Variants in TUBGCP4 observed in about 807,000 individuals in gnomAD.
TUBGCP4 encodes tubulin gamma complex component 4.
Under a neutral mutation model 91.6 loss-of-function variants are expected in TUBGCP4, and 54 were observed. The ratio of observed to expected loss-of-function variants is 0.59; its 90% CI spans 0.47 to 0.74. The LOEUF (loss-of-function observed/expected upper bound fraction) is 0.74. TUBGCP4 is among the 30% of genes least tolerant of loss of function. The probability of loss-of-function intolerance (pLI) is 0.00; values close to 1 mark genes in which losing one functional copy is unlikely to be tolerated. For synonymous variants in TUBGCP4, 297 were observed against 302.8 expected (o/e 0.98, Z 0.20); for missense variants, 593 against 800.9 (o/e 0.74, Z 3.13).
intron 7 of TUBGCP4, among the ~76,000 whole-genome samples, chr15:43,384,951 A>G (rs902375292): frequency 2.0e-5 from 3 of 152,238 alleles, no homozygotes; most frequent in Non-Finnish European, 4.4e-5. Context: ...AGAGATGTTT[A>G]GAGGGTGGAA....
chr15:43,393,781 A>G (rs1020826343), intron 9 of TUBGCP4, among the ~76,000 whole-genome samples: 9 of 152,114 alleles, frequency 5.9e-5, no homozygotes. Flanking sequence ...TGAACTCACC[A>G]TTTTTTATGG....
At position 43,376,246 on chromosome 15, in the gene TUBGCP4, G is replaced by C. The variant is rs2142766126; in HGVS notation, c.207+20G>C. 1 of 1,612,382 alleles carries C rather than the reference G, an allele frequency of 6.2e-7. No homozygotes were observed. Among genetic ancestry groups the C allele is most frequent in the East Asian group, 2.2e-5 (1 of 44,852 alleles). On this transcript the variant is annotated intron_variant, in intron 2 of 17. Coordinates refer to ENST00000564079, the MANE Select transcript of TUBGCP4 (RefSeq NM_014444.5). ...CAGCAGGTGGGTCCTGTTCTCTGTG[G>C]GTGTACACCTCTAGAGGGCAGGAGC...
chr15:43,402,941 T>C (rs906843886), intron 15 of TUBGCP4: 2 of 152,206 alleles, frequency 1.3e-5, no homozygotes, highest in Admixed American at 6.5e-5. Flanking sequence ...GTAAGATATA[T>C]ATTAATAGAT....
At chr15:43,379,653 A>C (rs1272246923) in intron 5 of TUBGCP4, among the ~76,000 whole-genome samples, 1 of 152,038 alleles carries the variant, frequency 6.6e-6, no homozygotes, top group African/African-American at 2.4e-5. Context: ...AAAAAAAAAA[A>C]AAAAAAAAAG....
rs1251115579 is a variant in TUBGCP4, at chr15:43,395,700, TGGCCCTGA to T, written c.1171+14_1171+21del. On this transcript the variant is annotated intron_variant, in intron 11 of 17. Transcript: ENST00000564079. ...AGTAACTGAGCATGGTAATTGTCAGTGGCCCTGAGAATGATCAACTGATTGACATTGCA... is the reference window on the plus strand; with the variant it reads ...AGTAACTGAGCATGGTAATTGTCAGTGAATGATCAACTGATTGACATTGCA... 3 of 1,602,976 alleles carry T rather than the reference TGGCCCTGA, an allele frequency of 1.9e-6. No homozygotes were observed. In the East Asian group the frequency reaches 6.7e-5, roughly 36 times the overall value.
At position 43,408,762 on chromosome 15, in the gene TUBGCP4, A is replaced by G. The variant is rs1889664556; in HGVS notation, c.*3548A>G. The G allele has an allele frequency of 1.2e-6, 1 of 846,108 alleles. No homozygotes were observed. Among genetic ancestry groups the G allele is most frequent in the Non-Finnish European group, 1.8e-6 (1 of 546,700 alleles). The allele number at this position is 846,108 out of a possible 1,614,324, so 52.4% of individuals were successfully genotyped here. A position where few individuals can be genotyped will look rare whatever the true frequency, so the allele number is the denominator to read the frequency against. ...ATAAACTAGATAAACTCCTGAAGTC[A>G]TTTCAAACCCACTCAAATTTATCCC... is the stretch of plus-strand genomic sequence containing the variant. On this transcript the variant is annotated 3_prime_UTR_variant, in exon 18 of 18. Coordinates refer to ENST00000564079, the MANE Select transcript of TUBGCP4 (RefSeq NM_014444.5).
intron 9 of TUBGCP4, 29 bp downstream of exon 9, chr15:43,386,359 ATATATATATATATATATATTTTTTT>A: frequency 1.7e-5 from 1 of 59,616 alleles, no homozygotes; most frequent in Non-Finnish European, 3.4e-5. Flanking sequence ...ATATATATAT[ATATATATATATATATATATTTTTTT>A]TTTTTTTTTT....
In TUBGCP4 at chr15:43,406,629, A is replaced by G. The variant is rs1329600565; in HGVS notation, c.*1415A>G. 1 of 455,918 alleles carries G rather than the reference A, an allele frequency of 2.2e-6. No homozygotes were observed. Among genetic ancestry groups the G allele is most frequent in the African/African-American group, 2.0e-5 (1 of 50,060 alleles). The allele number at this position is 455,918 out of a possible 1,614,324, so 28.2% of individuals were successfully genotyped here. On this transcript the variant is annotated 3_prime_UTR_variant, in exon 18 of 18. Coordinates refer to ENST00000564079, the MANE Select transcript of TUBGCP4 (RefSeq NM_014444.5). ...AAAACCTTGTTGACCCCTGCTTTAG[A>G]GAATGAGAAGCCATGCAGGGATCAG...
rs1465314412 is a variant in TUBGCP4, at chr15:43,407,246, T to TATCA, written c.*2033_*2036dup. 3.5e-5 allele frequency: 25 copies of TATCA among 718,722 alleles called. No individual in the cohort carries two copies. The highest frequency in any genetic ancestry group is 5.2e-5 in the Non-Finnish European group (23 of 441,242). 44.5% of individuals were successfully genotyped at this position (718,722 alleles called of 1,614,324 possible). ...AACCAAAGAGATTCAACATTTATTT[T>TATCA]ATCATAAAAGTTCAGCAAATAAAAC... On this transcript the variant is annotated 3_prime_UTR_variant, in exon 18 of 18. Transcript: ENST00000564079.
intron 13 of TUBGCP4, chr15:43,399,081 G>A: frequency 1.7e-6 from 2 of 1,211,508 alleles, no homozygotes; most frequent in Non-Finnish European, 2.2e-6. Flanking sequence ...TCCAAACAAG[G>A]TCTATCATTT....
intron 16 of TUBGCP4, 134 bp from the exon 17 acceptor site, chr15:43,404,279 A>C: frequency 1.0e-6 from 1 of 1,000,990 alleles, no homozygotes; most frequent in Non-Finnish European, 1.4e-6. Flanking sequence ...TAGAAATAGG[A>C]ATGTGGGAAG....
chr15:43,404,659 A>G (rs2044797658), intron 17 of TUBGCP4, 107 bp downstream of exon 17: 11 of 1,226,298 alleles, frequency 9.0e-6, no homozygotes, highest in African/African-American at 1.5e-5. Context: ...CCCTCATTTT[A>G]TAAGTAAGGC....
intron 15 of TUBGCP4, 184 bp from the exon 16 acceptor site, chr15:43,403,499 T>C (rs1166557207): frequency 1.8e-6 from 1 of 551,648 alleles, no homozygotes; most frequent in East Asian, 3.1e-5. Flanking sequence ...AAGGATGCAT[T>C]TGTTTTACGC....
At position 43,383,451 on chromosome 15, in the gene TUBGCP4, G is replaced by T; in HGVS notation, c.670G>T (p.Asp224Tyr). 1 of 1,613,788 alleles carries T rather than the reference G, an allele frequency of 6.2e-7. No homozygotes were observed. Among genetic ancestry groups the T allele is most frequent in the Non-Finnish European group, 8.5e-7 (1 of 1,179,900 alleles). ...TGCCCAGCCAGAAGAGGACGAGGAG[G>T]ATCTGGGCATTGGGGGACTGACAGG... ...VSAQPEEDEE[D>Y]LGIGGLTGKQ... Residue 224 changes from aspartate to tyrosine, a missense_variant, in exon 7 of 18, where the codon GAT (aspartate) becomes TAT (tyrosine). Coordinates refer to ENST00000564079, the MANE Select transcript of TUBGCP4 (RefSeq NM_014444.5).
intron 11 of TUBGCP4, 80 bp downstream of exon 11, chr15:43,395,768 C>A: frequency 8.5e-7 from 1 of 1,170,050 alleles, no homozygotes; most frequent in Non-Finnish European, 1.3e-6. Context: ...CCTTTTAAGG[C>A]CTGCTCCACA....
intron 13 of TUBGCP4, chr15:43,399,229 G>C: frequency 9.5e-7 from 1 of 1,056,370 alleles, no homozygotes; most frequent in African/African-American, 1.7e-5. Context: ...TGTCTTTTAA[G>C]TATGGAGTCT....
At chr15:43,401,916 G>A (rs1252213215) in intron 15 of TUBGCP4, 66 bp downstream of exon 15, 15 of 1,565,916 alleles carry the variant, frequency 9.6e-6, no homozygotes, top group Non-Finnish European at 1.3e-5. Context: ...GGCAGTTTGA[G>A]TTGACAGGAT....
chr15:43,386,207 A>G lies in TUBGCP4; in HGVS notation c.891A>G (p.Gly297=). The G allele has an allele frequency of 6.2e-7, 1 of 1,605,716 alleles. No homozygotes were observed. The highest frequency in any genetic ancestry group is 8.5e-7 in the Non-Finnish European group (1 of 1,177,298). Residue 297 remains glycine, a splice_region_variant and synonymous_variant, in exon 9 of 18, where the codon GGA becomes GGG. Transcript: ENST00000564079. ...ENQNVNLTRK[G]SILKNQEDTF... ...TGACGGTGTCTTCCTATTTTGCAGG[A>G]TCCATTTTGAAAAACCAGGAAGACA...
chr15:43,376,187 T>G lies in TUBGCP4; in HGVS notation c.168T>G (p.Thr56=), dbSNP rs2044202239. ...TCGGCACAGACTATATTCGCTTCAC[T>G]GAGTTCATTGAACAGTACACGGGCC... The part of the protein sequence containing the change: ...CRLGTDYIRF[T]EFIEQYTGHV... The change falls in exon 2 of 18, where the codon ACT becomes ACG. Residue 56 remains threonine, a synonymous_variant. Transcript: ENST00000564079. 6.2e-7 allele frequency: 1 copy of G among 1,613,980 alleles called. No individual in the cohort carries two copies. Among genetic ancestry groups the G allele is most frequent in the African/African-American group, 1.3e-5 (1 of 74,882 alleles).
Sources: gnomAD v4.1 joint callset for allele counts (sites outside exome capture counted in the v4.1 genomes callset) on GRCh38, gnomAD v4.1.1 for gene constraint, MANE v1.5 for transcripts, NCBI Gene and HGNC (gene_info 2026-07-23, HGNC 2026-07-21) for gene names.